The following UVRAG variants were observed in gnomAD, a reference collection of about 807,000 sequenced individuals.
The protein encoded by UVRAG is UV radiation resistance-associated gene protein.
In UVRAG, 19 loss-of-function variants were observed where a neutral mutation model predicts 78.0. The ratio of observed to expected loss-of-function variants is 0.24; its 90% CI spans 0.17 to 0.36. The LOEUF (loss-of-function observed/expected upper bound fraction) is 0.36. UVRAG is among the 10% of genes least tolerant of loss of function. UVRAG has a pLI of 1.00. For missense variants in UVRAG, 740 were observed against 853.8 expected (o/e 0.87, Z 1.66); for synonymous variants, 323 against 324.6 (o/e 1.00, Z 0.05).
chr11:76,031,997 A>G (rs1437010886), intron 12 of UVRAG, among the ~76,000 whole-genome samples: 1 of 152,178 alleles, frequency 6.6e-6, no homozygotes, highest in African/African-American at 2.4e-5. Flanking sequence ...TCTTTTCTTT[A>G]ATTCTTGTAT....
chr11:76,127,318 G>A (rs931092263), intron 14 of UVRAG, among the ~76,000 whole-genome samples: 43 of 152,300 alleles, frequency 2.8e-4, no homozygotes, highest in African/African-American at 9.1e-4. Flanking sequence ...AGATTGGCAT[G>A]GTTAAAGAAG....
intron 12 of UVRAG, 25 bp from the exon 13 acceptor site, chr11:76,065,685 T>C (rs1489791689): frequency 6.2e-7 from 1 of 1,608,968 alleles, no homozygotes; most frequent in East Asian, 2.2e-5. Flanking sequence ...TTTGAAAATA[T>C]CTGATCCTTT....
intron 1 of UVRAG, among the ~76,000 whole-genome samples, chr11:75,818,113 T>C (rs903940486): frequency 6.6e-6 from 1 of 152,022 alleles, no homozygotes; most frequent in Non-Finnish European, 1.5e-5. Flanking sequence ...CCCAAAATTA[T>C]TAACATCCTG....
At chr11:75,838,092 A>G (rs1945824025) in intron 1 of UVRAG, among the ~76,000 whole-genome samples, 1 of 152,232 alleles carries the variant, frequency 6.6e-6, no homozygotes, top group African/African-American at 2.4e-5. Context: ...TACTTAAAAA[A>G]AAACCCTACA....
At chr11:75,982,965 GA>G (rs1344958158) in intron 7 of UVRAG, among the ~76,000 whole-genome samples, 1 of 152,148 alleles carries the variant, frequency 6.6e-6, no homozygotes, top group Non-Finnish European at 1.5e-5. Context: ...ATGCTGCTAT[GA>G]ACATTAGTAT....
At chr11:75,948,431 T>A (rs1335512639) in intron 6 of UVRAG, among the ~76,000 whole-genome samples, 1 of 152,080 alleles carries the variant, frequency 6.6e-6, no homozygotes, top group African/African-American at 2.4e-5. Flanking sequence ...GAAAGAAGAA[T>A]CAATAGGTTT....
intron 5 of UVRAG, among the ~76,000 whole-genome samples, chr11:75,899,524 C>G (rs1239358250): frequency 6.6e-6 from 1 of 152,032 alleles, no homozygotes; most frequent in Non-Finnish European, 1.5e-5. Context: ...AACTACTGCC[C>G]CAAGCAAGAT....
At chr11:76,029,064 A>T (rs1950386641) in intron 12 of UVRAG, among the ~76,000 whole-genome samples, 1 of 152,196 alleles carries the variant, frequency 6.6e-6, no homozygotes, top group Non-Finnish European at 1.5e-5. Flanking sequence ...ATGCTCAGTG[A>T]CCATTCTGAA....
chr11:76,125,370 A>G (rs1333974463), intron 14 of UVRAG, among the ~76,000 whole-genome samples: 1 of 152,258 alleles, frequency 6.6e-6, no homozygotes, highest in Non-Finnish European at 1.5e-5. Flanking sequence ...GTCTCTAGAC[A>G]GGAACACACA....
At chr11:76,086,587 T>G (rs894235715) in intron 13 of UVRAG, among the ~76,000 whole-genome samples, 2 of 152,206 alleles carry the variant, frequency 1.3e-5, no homozygotes, top group Non-Finnish European at 1.5e-5. Flanking sequence ...TTTTAAAAAC[T>G]AAAGTGCATG....
chr11:75,963,665 T>C (rs1479098095), intron 7 of UVRAG, among the ~76,000 whole-genome samples: 1 of 152,220 alleles, frequency 6.6e-6, no homozygotes, highest in Non-Finnish European at 1.5e-5. Context: ...AGACCATATA[T>C]GATTAACTGT....
At chr11:76,012,769 C>G (rs946139948) in intron 11 of UVRAG, among the ~76,000 whole-genome samples, 2 of 142,958 alleles carry the variant, frequency 1.4e-5, no homozygotes, top group Admixed American at 1.4e-4. Context: ...TTCCACTGAC[C>G]GAGACATTTA....
chr11:76,009,956 A>G (rs1295866701), intron 11 of UVRAG, among the ~76,000 whole-genome samples: 1 of 144,970 alleles, frequency 6.9e-6, no homozygotes, highest in African/African-American at 2.9e-5. Flanking sequence ...CCTAATCTTT[A>G]ATACTCACAA....
intron 12 of UVRAG, among the ~76,000 whole-genome samples, chr11:76,032,228 G>A (rs1455983181): frequency 2.6e-5 from 4 of 152,106 alleles, no homozygotes; most frequent in African/African-American, 7.2e-5. Context: ...TAACATTTAT[G>A]TCCTGGGTAA....
At chr11:75,892,202 G>C (rs558961270) in intron 5 of UVRAG, 2 of 369,136 alleles carry the variant, frequency 5.4e-6, no homozygotes, top group Non-Finnish European at 7.5e-6. Flanking sequence ...TGATTGGAGA[G>C]AACCTGGAAA....
chr11:75,853,313 T>C (rs72997680), intron 2 of UVRAG, among the ~76,000 whole-genome samples: 1 of 152,294 alleles, frequency 6.6e-6, no homozygotes, highest in Non-Finnish European at 1.5e-5. Context: ...TCAAGAAATA[T>C]ACAGTGAAGA....
intron 2 of UVRAG, among the ~76,000 whole-genome samples, chr11:75,856,529 C>G (rs1472001065): frequency 6.6e-6 from 1 of 152,040 alleles, no homozygotes; most frequent in African/African-American, 2.4e-5. Context: ...ACTATAGCCT[C>G]AACCTTTTGG....
At chr11:75,821,472 G>T (rs1306560983) in intron 1 of UVRAG, among the ~76,000 whole-genome samples, 1 of 152,160 alleles carries the variant, frequency 6.6e-6, no homozygotes, top group Admixed American at 6.5e-5. Context: ...ACCCCCGCAA[G>T]TAGCTGAGAC....
intron 1 of UVRAG, among the ~76,000 whole-genome samples, chr11:75,821,825 A>G (rs558998001): frequency 6.6e-6 from 1 of 151,750 alleles, no homozygotes; most frequent in South Asian, 2.1e-4. Context: ...TTCTGGAATT[A>G]GTCTGATGTT....
Sources: allele counts gnomAD v4.1 joint callset (sites outside exome capture counted in the v4.1 genomes callset), GRCh38; gene constraint gnomAD v4.1.1; transcripts MANE v1.5; gene names NCBI Gene and HGNC (gene_info 2026-07-23, HGNC 2026-07-21).